Variants in NOS1AP observed in about 807,000 individuals in gnomAD.
NOS1AP encodes nitric oxide synthase 1 adaptor protein.
Under a neutral mutation model 56.2 loss-of-function variants are expected in NOS1AP, and 21 were observed. The observed-to-expected ratio is 0.37, with a 90% CI of 0.26 to 0.54. The LOEUF (loss-of-function observed/expected upper bound fraction) is 0.54. Ranked by LOEUF, NOS1AP falls within the 20% of genes least tolerant of loss-of-function variation. The pLI is 0.84. For missense variants in NOS1AP, 522 were observed against 657.8 expected (o/e 0.79, Z 2.26); for synonymous variants, 270 against 274.6 (o/e 0.98, Z 0.17).
chr1:162,149,039 G>A (rs531169758), intron 1 of NOS1AP, among the ~76,000 whole-genome samples: 1 of 152,182 alleles, frequency 6.6e-6, no homozygotes, highest in Non-Finnish European at 1.5e-5. Context: ...ACATGACATG[G>A]GAGAAGGAGG....
At chr1:162,077,736 A>T (rs1431910822) in intron 1 of NOS1AP, among the ~76,000 whole-genome samples, 1 of 122,194 alleles carries the variant, frequency 8.2e-6, no homozygotes, top group Non-Finnish European at 1.6e-5. Flanking sequence ...GCACTGGCTT[A>T]CTCCTCCCTG....
intron 1 of NOS1AP, among the ~76,000 whole-genome samples, chr1:162,101,680 G>T (rs1475431188): frequency 6.6e-6 from 1 of 152,018 alleles, no homozygotes; most frequent in Admixed American, 6.6e-5. Flanking sequence ...ATATTCCTAG[G>T]TATTTTATTC....
intron 1 of NOS1AP, among the ~76,000 whole-genome samples, chr1:162,135,984 A>G (rs1648980721): frequency 1.3e-5 from 2 of 152,214 alleles, no homozygotes; most frequent in Non-Finnish European, 2.9e-5. Flanking sequence ...TTAGGTGTAT[A>G]ATACAATTTA....
chr1:162,208,932 C>T (rs369094489), intron 2 of NOS1AP, among the ~76,000 whole-genome samples: 110 of 152,296 alleles, frequency 7.2e-4, no homozygotes, highest in Admixed American at 6.4e-3. Context: ...TCTATTAGCT[C>T]GTATTAAATA....
At chr1:162,089,329 TA>T (rs1288713521) in intron 1 of NOS1AP, among the ~76,000 whole-genome samples, 3 of 152,220 alleles carry the variant, frequency 2.0e-5, no homozygotes, top group Non-Finnish European at 4.4e-5. Flanking sequence ...CAATATTCCA[TA>T]ATTACTCACT....
intron 2 of NOS1AP, among the ~76,000 whole-genome samples, chr1:162,245,975 A>G (rs890602033): frequency 1.3e-5 from 2 of 152,234 alleles, no homozygotes; most frequent in Non-Finnish European, 1.5e-5. Context: ...CAACGTTAAC[A>G]CATTTGAGGG....
In NOS1AP at chr1:162,192,955, C is replaced by T. The variant is rs1156589879; in HGVS notation, c.177+38479C>T. ...GATTTCAGCCAGACCCTCTATCTAA[C>T]AGGCCACTTTGACCCCTGGTAAAAG... On this transcript the variant is annotated intron_variant, in intron 2 of 9. Transcript: ENST00000361897. Among the ~76,000 whole-genome samples, 4 of 152,106 alleles carry T rather than the reference C, an allele frequency of 2.6e-5. No homozygotes were observed. In the South Asian group the frequency reaches 6.2e-4, roughly 24 times the overall value.
At chr1:162,179,003 G>A (rs1651162624) in intron 2 of NOS1AP, among the ~76,000 whole-genome samples, 2 of 152,034 alleles carry the variant, frequency 1.3e-5, no homozygotes, top group Admixed American at 6.5e-5. Flanking sequence ...GTTGAGGGGG[G>A]TGGTGCTGGT....
intron 2 of NOS1AP, among the ~76,000 whole-genome samples, chr1:162,264,511 CTTT>C (rs1654357071): frequency 7.2e-6 from 1 of 138,960 alleles, no homozygotes; most frequent in East Asian, 2.2e-4. Flanking sequence ...CTCCTCTCTT[CTTT>C]TCTTTTTTTT....
Position 162,180,008 on chromosome 1 carries a change from G to A in NOS1AP, c.177+25532G>A, listed in dbSNP as rs550197877. 3.3e-5 allele frequency among the ~76,000 whole-genome samples: 5 copies of A among 152,282 alleles called. 1 individual carries two copies. In the South Asian group the frequency reaches 1.0e-3, roughly 32 times the overall value. ...GCCTAAACTGGAGCCATGACAGTGG[G>A]AATGGAGAGCCTGGATCTGAGAGGT... On this transcript the variant is annotated intron_variant, in intron 2 of 9. Transcript: ENST00000361897.
chr1:162,323,576 C>T (rs1166227386), intron 4 of NOS1AP, among the ~76,000 whole-genome samples: 1 of 152,218 alleles, frequency 6.6e-6, no homozygotes, highest in African/African-American at 2.4e-5. Flanking sequence ...CTGTAAAGTG[C>T]TTAAGCAGTA....
rs751074040 is a variant in NOS1AP at position 162,355,226 on chromosome 1, C to T, written c.635C>T (p.Thr212Ile). The T allele has an allele frequency of 6.2e-7, 1 of 1,614,148 alleles. No homozygotes were observed. The highest frequency in any genetic ancestry group is 8.5e-7 in the Non-Finnish European group (1 of 1,180,024). The part of the protein sequence containing the change: ...LTGAERASTA[T>I]AEETDIDAVE... ...GGAGCCGAGAGGGCCTCCACGGCCA[C>T]TGCAGAGGAGACTGACATCGATGCG... The change falls in exon 7 of 10, where the codon ACT becomes ATT. Residue 212 changes from threonine to isoleucine, a missense_variant. By Grantham distance (89) the Thr-to-Ile change is moderately conservative (BLOSUM62 -1). Around this residue, in one of 4 missense-constraint regions of NOS1AP, gnomAD observed 178 missense variants for 165.0 expected, o/e 1.08. Coordinates refer to ENST00000361897, the MANE Select transcript of NOS1AP (RefSeq NM_014697.3).
At chr1:162,259,612 T>TA (rs1654144671) in intron 2 of NOS1AP, among the ~76,000 whole-genome samples, 2 of 152,160 alleles carry the variant, frequency 1.3e-5, no homozygotes, top group South Asian at 4.1e-4. Context: ...CTTAAACTGC[T>TA]AAAAAAGCTA....
chr1:162,295,888 T>C (rs1462154720), intron 3 of NOS1AP, among the ~76,000 whole-genome samples: 2 of 152,256 alleles, frequency 1.3e-5, no homozygotes, highest in East Asian at 3.9e-4. Flanking sequence ...GTGACTACAC[T>C]CCTCAGGGTA....
intron 2 of NOS1AP, among the ~76,000 whole-genome samples, chr1:162,172,256 G>A (rs917257366): frequency 2.6e-5 from 4 of 152,250 alleles, no homozygotes; most frequent in Non-Finnish European, 5.9e-5. Flanking sequence ...CTATACTGGA[G>A]AAGAACACAT....
Position 162,355,098 on chromosome 1 carries a change from A to G in NOS1AP, c.596-89A>G, listed in dbSNP as rs957733058. On this transcript the variant is annotated intron_variant, in intron 6 of 9. Coordinates refer to ENST00000361897, the MANE Select transcript of NOS1AP (RefSeq NM_014697.3). ...CAAAGCCAGTGGCATCCCTAGGCTC[A>G]ACATGCCTGAAAGCTAAAGTATTAG... 4 of 1,490,062 alleles carry G rather than the reference A, an allele frequency of 2.7e-6. No individual in the cohort carries two copies. In the African/African-American group the frequency reaches 5.5e-5, roughly 21 times the overall value. The allele number at this position is 1,490,062 out of a possible 1,614,324, so 92.3% of individuals were successfully genotyped here. A position where few individuals can be genotyped will look rare whatever the true frequency, so the allele number is the denominator to read the frequency against.
chr1:162,343,998 G>A lies in NOS1AP; in HGVS notation c.595+22G>A, dbSNP rs1292715713. 8.1e-6 allele frequency: 13 copies of A among 1,613,574 alleles called. No homozygotes were observed. The South Asian group carries it at 1.3e-4, about 16-fold the overall frequency. On this transcript the variant is annotated intron_variant, in intron 6 of 9. Coordinates refer to ENST00000361897, the MANE Select transcript of NOS1AP (RefSeq NM_014697.3). The stretch of plus-strand genomic sequence containing the variant: ...CCAGGTAGGCACTGCGGCTTCTGTG[G>A]ATGTGGGTGGGAAGGCAGTGCACAC...
At chr1:162,340,593 G>T (rs1435009072) in intron 5 of NOS1AP, among the ~76,000 whole-genome samples, 1 of 152,212 alleles carries the variant, frequency 6.6e-6, no homozygotes, top group Non-Finnish European at 1.5e-5. Flanking sequence ...AGGCACTGTG[G>T]TAGGTGCTAT....
At chr1:162,156,831 A>G (rs998195528) in intron 2 of NOS1AP, among the ~76,000 whole-genome samples, 7 of 152,204 alleles carry the variant, frequency 4.6e-5, no homozygotes, top group African/African-American at 7.2e-5. Context: ...AGATGAGGAA[A>G]TAGAACCTTG....
Sources: gnomAD v4.1 joint callset for allele counts (sites outside exome capture counted in the v4.1 genomes callset) on GRCh38, gnomAD v4.1.1 for gene constraint, gnomAD v4.1.1 regional missense constraint, MANE v1.5 for transcripts, NCBI Gene and HGNC (gene_info 2026-07-23, HGNC 2026-07-21) for gene names.